WWOX: variants seen among roughly 807,000 people sequenced by gnomAD.
The protein encoded by WWOX is WW domain-containing oxidoreductase.
Under a neutral mutation model 46.2 loss-of-function variants are expected in WWOX, and 69 were observed. The ratio of observed to expected loss-of-function variants is 1.49; its 90% CI spans 1.23 to 1.82. The LOEUF (loss-of-function observed/expected upper bound fraction) is 1.82, where lower values mean the gene tolerates loss of function less well. Ranked by LOEUF, WWOX falls within the 40% of genes most tolerant of loss-of-function variation. The pLI, the probability that WWOX is intolerant of heterozygous loss-of-function variation, is 0.00. For synonymous variants in WWOX, 359 were observed against 202.6 expected (o/e 1.77, Z -6.56); for missense variants, 919 against 542.6 (o/e 1.69, Z -6.89).
chr16:79,190,843 C>T (rs1451195725), intron 8 of WWOX, among the ~76,000 whole-genome samples: 1 of 152,196 alleles, frequency 6.6e-6, no homozygotes, highest in Non-Finnish European at 1.5e-5. Flanking sequence ...CCTGCAAAGT[C>T]TAAAATATTT....
intron 5 of WWOX, among the ~76,000 whole-genome samples, chr16:78,185,198 A>G (rs2035660533): frequency 6.6e-6 from 1 of 152,202 alleles, no homozygotes; most frequent in Non-Finnish European, 1.5e-5. Flanking sequence ...GAGGCCGAGA[A>G]CTGGACTATC....
chr16:78,603,633 G>A (rs540896075), intron 8 of WWOX, among the ~76,000 whole-genome samples: 5 of 152,190 alleles, frequency 3.3e-5, no homozygotes, highest in African/African-American at 9.6e-5. Flanking sequence ...GGAGGAGGTT[G>A]CAGTGAACTA....
At chr16:78,431,418 T>C (rs1456760261) in intron 7 of WWOX, among the ~76,000 whole-genome samples, 1 of 152,196 alleles carries the variant, frequency 6.6e-6, no homozygotes, top group Non-Finnish European at 1.5e-5. Flanking sequence ...ATCTATAATT[T>C]CTTGGATGCT....
intron 8 of WWOX, among the ~76,000 whole-genome samples, chr16:78,456,613 TA>T (rs1241123809): frequency 6.6e-6 from 1 of 152,344 alleles, no homozygotes; most frequent in East Asian, 1.9e-4. Context: ...TTCATTTTTA[TA>T]AAAAAATTTA....
chr16:79,124,829 C>T (rs908860319), intron 8 of WWOX, among the ~76,000 whole-genome samples: 1 of 152,154 alleles, frequency 6.6e-6, no homozygotes, highest in African/African-American at 2.4e-5. Flanking sequence ...GGACTCTGTT[C>T]CCTAAAGGGG....
chr16:78,632,262 G>A (rs1056085592), intron 8 of WWOX, among the ~76,000 whole-genome samples: 1 of 152,056 alleles, frequency 6.6e-6, no homozygotes, highest in Admixed American at 6.6e-5. Context: ...TTGCTTCCAG[G>A]GATTGTTTTG....
chr16:78,573,965 A>C lies in WWOX; in HGVS notation c.1056+141213A>C, dbSNP rs958875394. 7.2e-5 allele frequency among the ~76,000 whole-genome samples: 11 copies of C among 152,304 alleles called. No homozygotes were observed. The South Asian group carries it at 1.5e-3, about 20-fold the overall frequency. ...GGGTTTCACAAAGTTGCAATCATAT[A>C]TTGGCCAGGGTGTGTTCTAATTTGG... On this transcript the variant is annotated intron_variant, in intron 8 of 8. Transcript: ENST00000566780.
At chr16:78,618,748 C>T (rs1467976410) in intron 8 of WWOX, among the ~76,000 whole-genome samples, 1 of 151,846 alleles carries the variant, frequency 6.6e-6, no homozygotes, top group African/African-American at 2.4e-5. Context: ...GAGAATTCCC[C>T]ACTGTCTTCC....
At chr16:78,525,686 G>T (rs2043447997) in intron 8 of WWOX, 1 of 151,920 alleles carries the variant, frequency 6.6e-6, no homozygotes, top group Non-Finnish European at 1.5e-5. Flanking sequence ...GACAATGGTG[G>T]GCTGGACAGA....
chr16:78,521,785 T>G (rs918143072), intron 8 of WWOX, among the ~76,000 whole-genome samples: 4 of 83,182 alleles, frequency 4.8e-5, no homozygotes, highest in African/African-American at 2.3e-4. Flanking sequence ...CATAACTTGT[T>G]TTTTTTTTTG....
chr16:78,229,217 C>T (rs1011949373), intron 5 of WWOX, among the ~76,000 whole-genome samples: 1 of 149,062 alleles, frequency 6.7e-6, no homozygotes, highest in Admixed American at 6.8e-5. Flanking sequence ...CTCAGAAGGA[C>T]TTTATAAATA....
At chr16:78,922,438 G>C (rs2045400259) in intron 8 of WWOX, among the ~76,000 whole-genome samples, 1 of 151,090 alleles carries the variant, frequency 6.6e-6, no homozygotes, top group Admixed American at 6.6e-5. Flanking sequence ...GAGTGCAGTG[G>C]CGTGACCTTG....
At chr16:78,409,040 C>T (rs994810670) in intron 6 of WWOX, among the ~76,000 whole-genome samples, 1 of 152,168 alleles carries the variant, frequency 6.6e-6, no homozygotes, top group African/African-American at 2.4e-5. Context: ...TATAAGGCTG[C>T]TGCTTATAGC....
intron 8 of WWOX, among the ~76,000 whole-genome samples, chr16:78,557,244 T>A (rs899375181): frequency 2.6e-5 from 4 of 152,228 alleles, no homozygotes; most frequent in East Asian, 1.9e-4. Flanking sequence ...TTATTTACCT[T>A]AAGACCTGAT....
intron 6 of WWOX, among the ~76,000 whole-genome samples, chr16:78,414,243 C>G (rs2082747544): frequency 6.6e-6 from 1 of 152,046 alleles, no homozygotes; most frequent in Admixed American, 6.6e-5. Flanking sequence ...ACCCCTTTTT[C>G]AAACTCCGTC....
At chr16:78,928,303 C>T (rs188403072) in intron 8 of WWOX, among the ~76,000 whole-genome samples, 2,997 of 150,718 alleles carry the variant, frequency 0.02, 97 homozygotes, top group African/African-American at 0.069. Context: ...CCCGGGTTCA[C>T]GCCATTCTCC....
chr16:78,930,360 C>T (rs1321794614), intron 8 of WWOX, among the ~76,000 whole-genome samples: 1 of 151,150 alleles, frequency 6.6e-6, no homozygotes, highest in East Asian at 1.9e-4. Flanking sequence ...TCACTGCAGC[C>T]TCAACCTCCT....
intron 5 of WWOX, among the ~76,000 whole-genome samples, chr16:78,173,235 C>T (rs2035220233): frequency 6.6e-6 from 1 of 152,160 alleles, no homozygotes; most frequent in African/African-American, 2.4e-5. Context: ...GGGGTTAAAT[C>T]CCAGTGTGAA....
In WWOX at chr16:79,054,285, T is replaced by C. The variant is rs182169110; in HGVS notation, c.1057-157323T>C. On this transcript the variant is annotated intron_variant, in intron 8 of 8. Transcript: ENST00000566780. The stretch of plus-strand genomic sequence containing the variant: ...ACGATAGCTACTTAAATCGCTATTG[T>C]TTTAGTTAGGCCCGCAAAACATATC... 2.2e-4 allele frequency among the ~76,000 whole-genome samples: 33 copies of C among 152,318 alleles called. No individual in the cohort carries two copies. In the East Asian group the frequency reaches 6.4e-3, roughly 29 times the overall value.
Sources: gnomAD v4.1 joint callset for allele counts (sites outside exome capture counted in the v4.1 genomes callset) on GRCh38, gnomAD v4.1.1 for gene constraint, MANE v1.5 for transcripts, NCBI Gene and HGNC (gene_info 2026-07-23, HGNC 2026-07-21) for gene names.